The following CLYBL variants were observed in gnomAD, a reference collection of about 807,000 sequenced individuals.
The protein encoded by CLYBL is citramalyl-CoA lyase.
A neutral mutation model predicts 38.9 loss-of-function variants in CLYBL; 31 were observed. The observed-to-expected ratio is 0.80, with a 90% CI of 0.60 to 1.08. The LOEUF is 1.08. CLYBL is among the 50% of genes least tolerant of loss of function. The probability of loss-of-function intolerance (pLI) is 0.00; values close to 1 mark genes in which losing one functional copy is unlikely to be tolerated. For synonymous variants in CLYBL, 171 were observed against 158.6 expected (o/e 1.08, Z -0.59); for missense variants, 434 against 411.6 (o/e 1.05, Z -0.47).
chr13:99,828,042 C>T (rs1325612318), intron 2 of CLYBL, among the ~76,000 whole-genome samples: 1 of 152,184 alleles, frequency 6.6e-6, no homozygotes, highest in East Asian at 1.9e-4. Context: ...GAGGGGTGCC[C>T]TTCTGGGGAT....
At chr13:99,610,307 A>G (rs2046606483) in intron 1 of CLYBL, among the ~76,000 whole-genome samples, 1 of 152,188 alleles carries the variant, frequency 6.6e-6, no homozygotes, top group South Asian at 2.1e-4. Flanking sequence ...GACAGTTTGT[A>G]CTGACTACTT....
chr13:99,896,291 T>C (rs893883290), downstream of CLYBL: 2 of 152,106 alleles, frequency 1.3e-5, no homozygotes, highest in African/African-American at 2.4e-5. Flanking sequence ...GCGCTGTTGC[T>C]AGGAGCCCGA....
intron 1 of CLYBL, among the ~76,000 whole-genome samples, chr13:99,689,550 A>G (rs2047869513): frequency 6.6e-6 from 1 of 152,220 alleles, no homozygotes; most frequent in African/African-American, 2.4e-5. Context: ...CATGATTGAA[A>G]TCCCATGTGC....
downstream of CLYBL, chr13:99,894,421 C>G (rs2052545781): frequency 6.6e-6 from 1 of 152,242 alleles, no homozygotes; most frequent in Admixed American, 6.5e-5. Context: ...TCACAAGCCG[C>G]TTAGCCATAT....
intron 1 of CLYBL, among the ~76,000 whole-genome samples, chr13:99,673,832 G>C (rs2047602907): frequency 6.6e-6 from 1 of 152,328 alleles, no homozygotes; most frequent in Admixed American, 6.5e-5. Flanking sequence ...GGAGATAGTT[G>C]CTGTGAGACA....
chr13:99,749,633 C>G (rs997432853), intron 1 of CLYBL, among the ~76,000 whole-genome samples: 6 of 152,222 alleles, frequency 3.9e-5, no homozygotes, highest in African/African-American at 1.4e-4. Flanking sequence ...AAACAGTGCA[C>G]TTCATTGAGG....
chr13:99,657,881 C>A (rs2047350956), intron 1 of CLYBL, among the ~76,000 whole-genome samples: 1 of 152,196 alleles, frequency 6.6e-6, no homozygotes, highest in Non-Finnish European at 1.5e-5. Flanking sequence ...TTTCTTGATC[C>A]GCTTTTCCCA....
intron 1 of CLYBL, among the ~76,000 whole-genome samples, chr13:99,746,056 G>A (rs2048845679): frequency 6.6e-6 from 1 of 151,384 alleles, no homozygotes; most frequent in Non-Finnish European, 1.5e-5. Flanking sequence ...TCAGATGTGG[G>A]AAGAACTATT....
At chr13:99,734,825 T>C (rs1348519248) in intron 1 of CLYBL, among the ~76,000 whole-genome samples, 3 of 152,166 alleles carry the variant, frequency 2.0e-5, no homozygotes, top group African/African-American at 7.2e-5. Context: ...CAAAATGCTG[T>C]TCCCCCCAAA....
intron 1 of CLYBL, among the ~76,000 whole-genome samples, chr13:99,703,973 C>T (rs1427207653): frequency 6.6e-6 from 1 of 152,122 alleles, no homozygotes; most frequent in Admixed American, 6.5e-5. Flanking sequence ...TAAGCTTATG[C>T]ATGTGGAGAT....
At chr13:99,649,038 GA>G (rs144684334) in intron 1 of CLYBL, among the ~76,000 whole-genome samples, 2,022 of 151,648 alleles carry the variant, frequency 0.013, 46 homozygotes, top group African/African-American at 0.046. Context: ...TCAATTGAGT[GA>G]AAAAAAGCCC....
intron 1 of CLYBL, among the ~76,000 whole-genome samples, chr13:99,699,256 G>A (rs886566407): frequency 7.9e-5 from 12 of 152,140 alleles, no homozygotes; most frequent in East Asian, 3.9e-4. Flanking sequence ...GTGGTGGTGG[G>A]CACCTGTAAT....
intron 2 of CLYBL, among the ~76,000 whole-genome samples, chr13:99,830,696 A>C (rs1037622767): frequency 2.6e-5 from 4 of 152,182 alleles, no homozygotes; most frequent in African/African-American, 9.7e-5. Flanking sequence ...AGGGATGTAG[A>C]GAGGAGAGGG....
At chr13:99,809,650 A>G (rs2050301623) in intron 2 of CLYBL, among the ~76,000 whole-genome samples, 1 of 152,234 alleles carries the variant, frequency 6.6e-6, no homozygotes, top group East Asian at 1.9e-4. Flanking sequence ...GCTGTTAGCG[A>G]TTAGCTGTTT....
chr13:99,719,270 G>A (rs2048361732), intron 1 of CLYBL, among the ~76,000 whole-genome samples: 1 of 147,974 alleles, frequency 6.8e-6, no homozygotes, highest in African/African-American at 2.5e-5. Flanking sequence ...TCAGCCTTCT[G>A]AGTAGCTGAG....
chr13:99,871,539 T>C (rs1376024734), intron 7 of CLYBL, among the ~76,000 whole-genome samples: 2 of 152,188 alleles, frequency 1.3e-5, no homozygotes, highest in East Asian at 1.9e-4. Context: ...AGGTTGTATA[T>C]GTGTTTGTAC....
intron 2 of CLYBL, among the ~76,000 whole-genome samples, chr13:99,789,843 G>C (rs1457061896): frequency 2.6e-5 from 4 of 152,168 alleles, no homozygotes; most frequent in Non-Finnish European, 5.9e-5. Flanking sequence ...AAGTCTCTTT[G>C]TAGATCTCTA....
intron 1 of CLYBL, among the ~76,000 whole-genome samples, chr13:99,702,013 A>G (rs2048074547): frequency 6.6e-6 from 1 of 152,078 alleles, no homozygotes; most frequent in Non-Finnish European, 1.5e-5. Context: ...CAACATTCAA[A>G]CCCAGGTGTG....
intron 2 of CLYBL, among the ~76,000 whole-genome samples, chr13:99,848,361 C>T (rs1479468134): frequency 1.3e-5 from 2 of 152,202 alleles, no homozygotes; most frequent in Non-Finnish European, 2.9e-5. Flanking sequence ...ATGTCCCACA[C>T]CTGTCCCCAG....
Sources: gnomAD v4.1 joint callset for allele counts (sites outside exome capture counted in the v4.1 genomes callset) on GRCh38, gnomAD v4.1.1 for gene constraint, MANE v1.5 for transcripts, NCBI Gene and HGNC (gene_info 2026-07-23, HGNC 2026-07-21) for gene names.